Variants in RAD54B observed in about 807,000 individuals in gnomAD.
The protein encoded by RAD54B is DNA repair and recombination protein RAD54B.
RAD54B carries 78 observed loss-of-function variants against 95.8 expected under a neutral mutation model. The ratio of observed to expected loss-of-function variants is 0.81; its 90% CI spans 0.68 to 0.98. RAD54B has a LOEUF of 0.98. Ranked by LOEUF, RAD54B falls within the 50% of genes least tolerant of loss-of-function variation. RAD54B has a pLI of 0.00. For missense variants in RAD54B, 957 were observed against 1,056.6 expected, an observed-to-expected ratio of 0.91 and a Z score of 1.31; for synonymous variants, 328 against 354.9, an observed-to-expected ratio of 0.92 and a Z score of 0.85.
intron 3 of RAD54B, chr8:94,432,069 T>C: frequency 2.7e-6 from 4 of 1,478,450 alleles, no homozygotes; most frequent in Non-Finnish European, 3.6e-6. Flanking sequence ...TTCAGGATAT[T>C]CCCAAATTAA....
intron 11 of RAD54B, among the ~76,000 whole-genome samples, chr8:94,382,448 T>A (rs759663723): frequency 4.6e-5 from 7 of 152,172 alleles, no homozygotes; most frequent in African/African-American, 7.2e-5. Context: ...GTCAGTCAAG[T>A]GCTAGTGTAG....
chr8:94,374,187 G>A (rs1017961093), intron 14 of RAD54B, among the ~76,000 whole-genome samples: 7 of 152,068 alleles, frequency 4.6e-5, no homozygotes, highest in Non-Finnish European at 7.4e-5. Flanking sequence ...GCTGAGGCAG[G>A]AGAATGGCGT....
At chr8:94,419,942 T>C (rs913858103) in intron 3 of RAD54B, among the ~76,000 whole-genome samples, 3 of 152,160 alleles carry the variant, frequency 2.0e-5, no homozygotes, top group Non-Finnish European at 2.9e-5. Flanking sequence ...ACCATATTTT[T>C]ACTGTATATT....
At chr8:94,446,993 G>A (rs1812538018) in intron 3 of RAD54B, among the ~76,000 whole-genome samples, 1 of 150,460 alleles carries the variant, frequency 6.6e-6, no homozygotes, top group South Asian at 2.1e-4. Flanking sequence ...AAAAAAATCT[G>A]TCACATAAAA....
intron 10 of RAD54B, among the ~76,000 whole-genome samples, chr8:94,389,880 A>C (rs1428900950): frequency 6.6e-6 from 1 of 152,242 alleles, no homozygotes; most frequent in Non-Finnish European, 1.5e-5. Context: ...AGAAACACTC[A>C]GAGCCCCCTG....
In RAD54B at chr8:94,463,893, C is replaced by CAAAAAAAAAAAAAAAAAAAAAAAA. The variant is rs553168595; in HGVS notation, c.135+3511_135+3512insTTTTTTTTTTTTTTTTTTTTTTTT. On this transcript the variant is annotated intron_variant, in intron 2 of 14. Coordinates refer to ENST00000336148, the MANE Select transcript of RAD54B (RefSeq NM_012415.3). The stretch of plus-strand genomic sequence containing the variant: ...TGGTGCCATCATCAAGACCCTATCT[C>CAAAAAAAAAAAAAAAAAAAAAAAA]AAAAAAAAAAAAAAAAAAAAGAAAG... Among the ~76,000 whole-genome samples, 2 of 90,968 alleles carry CAAAAAAAAAAAAAAAAAAAAAAAA rather than the reference C, an allele frequency of 2.2e-5. 1 individual carries two copies. The allele number at this position is 90,968 out of a possible 152,430, so 59.7% of individuals were successfully genotyped here.
intron 3 of RAD54B, chr8:94,436,679 T>G (rs1406322584): frequency 6.4e-7 from 1 of 1,550,658 alleles, no homozygotes; most frequent in African/African-American, 1.4e-5. Context: ...CCCTGTGCTG[T>G]TCGAGGAGGG....
chr8:94,466,533 G>C (rs750476750), intron 2 of RAD54B, among the ~76,000 whole-genome samples: 6 of 151,910 alleles, frequency 3.9e-5, no homozygotes, highest in Non-Finnish European at 8.8e-5. Context: ...TCAGTCTCCG[G>C]AGTAGCTGGG....
intron 8 of RAD54B, among the ~76,000 whole-genome samples, chr8:94,395,224 T>C (rs909301311): frequency 6.6e-6 from 1 of 152,164 alleles, no homozygotes; most frequent in African/African-American, 2.4e-5. Context: ...TCATACTGCG[T>C]TCACTGGAAG....
chr8:94,389,443 TTAA>T (rs1810965296), intron 10 of RAD54B, among the ~76,000 whole-genome samples: 1 of 152,218 alleles, frequency 6.6e-6, no homozygotes, highest in South Asian at 2.1e-4. Context: ...GTACCACTAA[TTAA>T]TAATTGACCA....
In RAD54B at chr8:94,432,354, C is replaced by T. The variant is rs3136422; in HGVS notation, c.305-21039G>A. 245 of 1,550,314 alleles carry T rather than the reference C, an allele frequency of 1.6e-4. No homozygotes were observed. In the African/African-American group the frequency reaches 3.1e-3, roughly 20 times the overall value. ...CTGAGGATCATACCCTAATAGTGACCTAAAGTGTTCACCACTCTCATGCCG... is the reference window on the plus strand; with the variant it reads ...CTGAGGATCATACCCTAATAGTGACTTAAAGTGTTCACCACTCTCATGCCG... On this transcript the variant is annotated intron_variant, in intron 3 of 14. Transcript: ENST00000336148.
chr8:94,461,533 A>AT (rs1361583641), intron 2 of RAD54B, among the ~76,000 whole-genome samples: 2 of 151,886 alleles, frequency 1.3e-5, no homozygotes, highest in Non-Finnish European at 2.9e-5. Context: ...AACCTGATAA[A>AT]TTTTTTTTAT....
chr8:94,380,197 C>T lies in RAD54B; in HGVS notation c.2195G>A (p.Gly732Glu). Reference sequence around the variant, plus strand: ...AATGTCATAGAGAATTAAGTGAGATCCTCCAATGAGGTTAAGTCCTACACC... The same window carrying T: ...AATGTCATAGAGAATTAAGTGAGATTCTCCAATGAGGTTAAGTCCTACACC... ...AGGVGLNLIG[G>E]SHLILYDIDW... The change falls in exon 12 of 15, where the codon GGA (glycine) becomes GAA (glutamate). Residue 732 changes from glycine to glutamate, a missense_variant. By Grantham distance (98) the Gly-to-Glu change is moderately conservative (BLOSUM62 -2). Coordinates refer to ENST00000336148, the MANE Select transcript of RAD54B (RefSeq NM_012415.3). 6.2e-7 allele frequency: 1 copy of T among 1,613,310 alleles called. No homozygotes were observed. The highest frequency in any genetic ancestry group is 2.2e-5 in the East Asian group (1 of 44,850).
At chr8:94,418,010 G>C (rs1377121877) in intron 3 of RAD54B, among the ~76,000 whole-genome samples, 1 of 152,152 alleles carries the variant, frequency 6.6e-6, no homozygotes, top group Non-Finnish European at 1.5e-5. Flanking sequence ...AGAAGACAAA[G>C]GACTTAAGTG....
intron 4 of RAD54B, among the ~76,000 whole-genome samples, chr8:94,409,332 AAGAAAGG>A (rs1811471622): frequency 6.6e-6 from 1 of 151,886 alleles, no homozygotes; most frequent in Non-Finnish European, 1.5e-5. Flanking sequence ...CAGAGCCTCA[AAGAAAGG>A]TCAGAGTCTG....
At chr8:94,429,497 T>C (rs1473230404) in intron 3 of RAD54B, 1 of 984,100 alleles carries the variant, frequency 1.0e-6, no homozygotes. Flanking sequence ...AACATTTAAA[T>C]TGAACATTCA....
chr8:94,462,699 A>G (rs1290522509), intron 2 of RAD54B, among the ~76,000 whole-genome samples: 20 of 152,196 alleles, frequency 1.3e-4, no homozygotes, highest in African/African-American at 4.6e-4. Context: ...GGCAGAGTTG[A>G]CTGCTAAGCC....
At chr8:94,393,960 A>G in intron 8 of RAD54B, 78 bp from the exon 9 acceptor site, 1 of 1,304,316 alleles carries the variant, frequency 7.7e-7, no homozygotes, top group Non-Finnish European at 1.0e-6. Context: ...CAAAACCACA[A>G]TGGAAGTTTG....
At position 94,474,987 on chromosome 8, in the gene RAD54B, C is replaced by T. The variant is rs934053304; in HGVS notation, c.-17+14G>A. 2 of 152,472 alleles carry T rather than the reference C, an allele frequency of 1.3e-5. No homozygotes were observed. Among genetic ancestry groups the T allele is most frequent in the Non-Finnish European group, 2.9e-5 (2 of 68,212 alleles). The allele number at this position is 152,472 out of a possible 1,614,324, so 9.4% of individuals were successfully genotyped here. ...GCTGTCGCAGCCTCCCGAGCTTCCC[C>T]CTGCAGGACGCACCGGCGAAAATCT... On this transcript the variant is annotated intron_variant, in intron 1 of 14. Coordinates refer to ENST00000336148, the MANE Select transcript of RAD54B (RefSeq NM_012415.3).
Sources: allele counts gnomAD v4.1 joint callset (sites outside exome capture counted in the v4.1 genomes callset), GRCh38; gene constraint gnomAD v4.1.1; transcripts MANE v1.5; gene names NCBI Gene and HGNC (gene_info 2026-07-23, HGNC 2026-07-21).